The following BNC2 variants were observed in gnomAD, a reference collection of about 807,000 sequenced individuals.
BNC2 encodes the protein zinc finger protein basonuclin-2.
Under a neutral mutation model 76.3 loss-of-function variants are expected in BNC2, and 20 were observed. That is an observed-to-expected ratio of 0.26 (90% CI 0.18 to 0.38). The LOEUF (loss-of-function observed/expected upper bound fraction) is 0.38. BNC2 is among the 10% of genes least tolerant of loss of function. The pLI is 1.00. For synonymous variants in BNC2, 582 were observed against 514.8 expected (o/e 1.13, Z -1.77); for missense variants, 1,382 against 1,399.8 (o/e 0.99, Z 0.20).
At chr9:16,658,535 T>C (rs1336157364) in intron 3 of BNC2, among the ~76,000 whole-genome samples, 1 of 152,184 alleles carries the variant, frequency 6.6e-6, no homozygotes, top group Non-Finnish European at 1.5e-5. Context: ...GATTCCTTAA[T>C]ATTTTTTTTC....
At chr9:16,547,480 C>G (rs1194734472) in intron 5 of BNC2, among the ~76,000 whole-genome samples, 1 of 152,174 alleles carries the variant, frequency 6.6e-6, no homozygotes, top group African/African-American at 2.4e-5. Flanking sequence ...ATTCAGTGCT[C>G]TGCATTTGTG....
rs372584524 is a variant in BNC2 at position 16,659,880 on chromosome 9, C to T, written c.330+67917G>A. 9.2e-5 allele frequency among the ~76,000 whole-genome samples: 14 copies of T among 152,294 alleles called. No homozygotes were observed. In the East Asian group the frequency reaches 2.5e-3, roughly 27 times the overall value. On this transcript the variant is annotated intron_variant, in intron 3 of 6. Transcript: ENST00000380672. ...TACTCCCTATCTTATATGTTCTTTA[C>T]TATTTGTCTTCTCCACTAGAATATA...
intron 5 of BNC2, among the ~76,000 whole-genome samples, chr9:16,464,191 A>G (rs1821655202): frequency 6.6e-6 from 1 of 151,924 alleles, no homozygotes; most frequent in African/African-American, 2.4e-5. Flanking sequence ...ACTCTTTAAG[A>G]TCCTCAAATA....
Position 16,749,681 on chromosome 9 carries a change from G to A in BNC2, c.4-11196C>T, listed in dbSNP as rs115627897. ...TGCCACTGCTCTCCAGCCTAGGCAA[G>A]AGAGAGAGATCCTGTGCTTTAAAAA... On this transcript the variant is annotated intron_variant, in intron 1 of 6. Coordinates refer to ENST00000380672, the MANE Select transcript of BNC2 (RefSeq NM_017637.6). Among the ~76,000 whole-genome samples the A allele has an allele frequency of 6.3e-3, 894 of 142,216 alleles. 17 individuals are homozygous for A. The highest frequency in any genetic ancestry group is 0.023 in the African/African-American group (859 of 37,636). The allele number at this position is 142,216 out of a possible 152,430, so 93.3% of individuals were successfully genotyped here.
intron 1 of BNC2, among the ~76,000 whole-genome samples, chr9:16,862,571 C>CA (rs1168925002): frequency 4.6e-5 from 7 of 152,198 alleles, no homozygotes; most frequent in Non-Finnish European, 1.0e-4. Flanking sequence ...TTCCAAGAAA[C>CA]AGCCAGTCAC....
intron 3 of BNC2, among the ~76,000 whole-genome samples, chr9:16,588,002 A>G (rs148368070): frequency 0.028 from 4,318 of 152,280 alleles, 204 homozygotes; most frequent in African/African-American, 0.097. Context: ...TTTAAGTTCC[A>G]TGAGGGCAGG....
intron 1 of BNC2, among the ~76,000 whole-genome samples, chr9:16,754,461 G>C (rs1316380466): frequency 1.3e-5 from 2 of 152,164 alleles, no homozygotes; most frequent in Non-Finnish European, 2.9e-5. Flanking sequence ...TTTTAATCCA[G>C]ATCTAAATGT....
At chr9:16,497,978 G>GGTGTGTGTGTGTGT (rs34523754) in intron 5 of BNC2, among the ~76,000 whole-genome samples, 92 of 134,862 alleles carry the variant, frequency 6.8e-4, no homozygotes, top group African/African-American at 1.0e-3. Flanking sequence ...AAGAAACTGT[G>GGTGTGTGTGTGTGT]GTGTGTGTGT....
chr9:16,512,709 A>T (rs1361771448), intron 5 of BNC2, among the ~76,000 whole-genome samples: 1 of 152,228 alleles, frequency 6.6e-6, no homozygotes, highest in Non-Finnish European at 1.5e-5. Context: ...ACTAGTAAGA[A>T]TCTTTTTGAT....
chr9:16,783,211 C>G (rs1244373066), intron 1 of BNC2, among the ~76,000 whole-genome samples: 1 of 152,158 alleles, frequency 6.6e-6, no homozygotes, highest in Non-Finnish European at 1.5e-5. Flanking sequence ...GAACTTGGTT[C>G]CCAAAGATCA....
chr9:16,819,362 A>T (rs757443169), intron 1 of BNC2, among the ~76,000 whole-genome samples: 4 of 152,236 alleles, frequency 2.6e-5, no homozygotes, highest in Non-Finnish European at 5.9e-5. Flanking sequence ...GGAATCATTA[A>T]TAAGAAATAT....
In BNC2 at chr9:16,472,418, C is replaced by A. The variant is rs113378770; in HGVS notation, c.670-34894G>T. ...AATTAGGAAAAACTGAGATCTAAGCCTTCAAAACATGTTCTGGTAGCTTTA... is the reference window on the plus strand; with the variant it reads ...AATTAGGAAAAACTGAGATCTAAGCATTCAAAACATGTTCTGGTAGCTTTA... On this transcript the variant is annotated intron_variant, in intron 5 of 6. Transcript: ENST00000380672. Among the ~76,000 whole-genome samples, 431 of 152,292 alleles carry A rather than the reference C, an allele frequency of 2.8e-3. 1 individual carries two copies. The highest frequency in any genetic ancestry group is 9.5e-3 in the African/African-American group (393 of 41,562).
intron 5 of BNC2, among the ~76,000 whole-genome samples, chr9:16,515,192 G>A (rs1056133288): frequency 9.2e-5 from 14 of 152,202 alleles, no homozygotes; most frequent in African/African-American, 2.9e-4. Flanking sequence ...GGAGATCCGA[G>A]AGGGAATCAT....
intron 5 of BNC2, among the ~76,000 whole-genome samples, chr9:16,522,468 G>T (rs1267852695): frequency 6.6e-6 from 1 of 152,162 alleles, no homozygotes; most frequent in Non-Finnish European, 1.5e-5. Flanking sequence ...CATATGAAGA[G>T]ATGAAGGTGC....
At chr9:16,480,435 C>G (rs1563803046) in intron 5 of BNC2, among the ~76,000 whole-genome samples, 1 of 152,234 alleles carries the variant, frequency 6.6e-6, no homozygotes, top group Non-Finnish European at 1.5e-5. Flanking sequence ...CAGCCCACCG[C>G]TGCACTGTGG....
chr9:16,790,057 T>C (rs1193458123), intron 1 of BNC2, among the ~76,000 whole-genome samples: 1 of 152,212 alleles, frequency 6.6e-6, no homozygotes, highest in Non-Finnish European at 1.5e-5. Context: ...TGGAGTGCAG[T>C]GGCGCGATCT....
chr9:16,732,864 A>T (rs1824556069), intron 2 of BNC2, among the ~76,000 whole-genome samples: 1 of 152,204 alleles, frequency 6.6e-6, no homozygotes, highest in Non-Finnish European at 1.5e-5. Flanking sequence ...AGCTTTTGTA[A>T]TTCATTTATT....
intron 3 of BNC2, among the ~76,000 whole-genome samples, chr9:16,591,090 GT>G (rs1819918621): frequency 1.3e-5 from 2 of 152,156 alleles, no homozygotes; most frequent in Admixed American, 6.6e-5. Flanking sequence ...TGGTGATTAA[GT>G]CAGCAAATAT....
chr9:16,512,523 A>G (rs1419669210), intron 5 of BNC2, among the ~76,000 whole-genome samples: 1 of 152,158 alleles, frequency 6.6e-6, no homozygotes, highest in Admixed American at 6.6e-5. Flanking sequence ...ACCTGAGCAC[A>G]ATGTAATTAA....
Sources: allele counts gnomAD v4.1 joint callset (sites outside exome capture counted in the v4.1 genomes callset), GRCh38; gene constraint gnomAD v4.1.1; transcripts MANE v1.5; gene names NCBI Gene and HGNC (gene_info 2026-07-23, HGNC 2026-07-21).